Variants in CNTN4 observed in about 807,000 individuals in gnomAD.
The protein encoded by CNTN4 is contactin 4, also known as contactin-4.
Under a neutral mutation model 122.5 loss-of-function variants are expected in CNTN4, and 77 were observed. That is an observed-to-expected ratio of 0.63 (90% CI 0.52 to 0.76). The LOEUF is 0.76. CNTN4 is among the 30% of genes least tolerant of loss of function. CNTN4 has a pLI of 0.00. For missense variants in CNTN4, 1,256 were observed against 1,259.1 expected (o/e 1.00, Z 0.04); for synonymous variants, 512 against 447.0 (o/e 1.15, Z -1.83).
intron 2 of CNTN4, among the ~76,000 whole-genome samples, chr3:2,212,270 A>G (rs1398145929): frequency 6.6e-6 from 1 of 152,052 alleles, no homozygotes; most frequent in Non-Finnish European, 1.5e-5. Context: ...ACACCACATC[A>G]GACCTCCTCA....
At chr3:2,918,252 G>T (rs915482528) in intron 12 of CNTN4, among the ~76,000 whole-genome samples, 2 of 152,178 alleles carry the variant, frequency 1.3e-5, no homozygotes, top group African/African-American at 4.8e-5. Context: ...TCACTGAAGT[G>T]CATGAAACTG....
intron 4 of CNTN4, among the ~76,000 whole-genome samples, chr3:2,616,986 TAACTC>T (rs1426536561): frequency 3.3e-5 from 5 of 151,928 alleles, no homozygotes; most frequent in Non-Finnish European, 7.4e-5. Flanking sequence ...ATACGAAAAT[TAACTC>T]AAGCGGGATT....
intron 7 of CNTN4, among the ~76,000 whole-genome samples, chr3:2,849,656 A>G (rs1296012481): frequency 6.6e-6 from 1 of 152,224 alleles, no homozygotes; most frequent in Non-Finnish European, 1.5e-5. Context: ...AAGAAGATCA[A>G]GGGATACAAT....
intron 2 of CNTN4, among the ~76,000 whole-genome samples, chr3:2,192,999 G>T (rs1189526893): frequency 6.6e-6 from 1 of 152,072 alleles, no homozygotes; most frequent in African/African-American, 2.4e-5. Flanking sequence ...ACTGCCTTTT[G>T]CCCTCTCTCT....
chr3:2,119,293 C>A (rs1157549074), intron 2 of CNTN4, among the ~76,000 whole-genome samples: 6 of 152,132 alleles, frequency 3.9e-5, no homozygotes, highest in African/African-American at 7.2e-5. Context: ...CTCTTTCTTT[C>A]TGTCTCTCTC....
chr3:2,579,618 T>C (rs1361143119), intron 4 of CNTN4, among the ~76,000 whole-genome samples: 1 of 152,208 alleles, frequency 6.6e-6, no homozygotes, highest in African/African-American at 2.4e-5. Context: ...CGTGCATATA[T>C]TCTTTGCACT....
At chr3:2,329,591 A>G (rs925313549) in intron 2 of CNTN4, among the ~76,000 whole-genome samples, 1 of 152,238 alleles carries the variant, frequency 6.6e-6, no homozygotes, top group Non-Finnish European at 1.5e-5. Flanking sequence ...AATGAGGCCC[A>G]CTACAGTCTA....
chr3:2,316,189 CAGT>C (rs1393503341), intron 2 of CNTN4, among the ~76,000 whole-genome samples: 5 of 151,958 alleles, frequency 3.3e-5, no homozygotes, highest in African/African-American at 4.8e-5. Context: ...ATGGAAATAA[CAGT>C]AGAATATTTG....
intron 3 of CNTN4, among the ~76,000 whole-genome samples, chr3:2,567,159 T>A (rs913416617): frequency 6.7e-6 from 1 of 149,856 alleles, no homozygotes; most frequent in African/African-American, 2.5e-5. Flanking sequence ...CGATCTCGGC[T>A]CACTGCAACC....
intron 3 of CNTN4, among the ~76,000 whole-genome samples, chr3:2,556,092 C>T (rs2078709825): frequency 1.3e-5 from 2 of 152,022 alleles, no homozygotes; most frequent in Non-Finnish European, 2.9e-5. Flanking sequence ...TTGGGGGTTA[C>T]TGGAAATATC....
chr3:2,656,307 A>T (rs2083589661), intron 4 of CNTN4, among the ~76,000 whole-genome samples: 1 of 152,256 alleles, frequency 6.6e-6, no homozygotes, highest in Non-Finnish European at 1.5e-5. Context: ...GAAGGTAAAA[A>T]TGTAGTCTAA....
intron 4 of CNTN4, among the ~76,000 whole-genome samples, chr3:2,611,552 A>C (rs935719250): frequency 6.6e-6 from 1 of 152,080 alleles, no homozygotes; most frequent in Non-Finnish European, 1.5e-5. Flanking sequence ...TGTAAGGTCC[A>C]AAAATAAATG....
chr3:2,820,961 C>CTTTTTTTTTTTTTTTTTTTTTTT lies in CNTN4; in HGVS notation c.454+1398_454+1399insTTTTTTTTTTTTTTTTTTTTTTT, dbSNP rs67731967. Among the ~76,000 whole-genome samples, 5 of 107,576 alleles carry CTTTTTTTTTTTTTTTTTTTTTTT rather than the reference C, an allele frequency of 4.6e-5. 1 individual carries two copies. The highest frequency in any genetic ancestry group is 1.9e-4 in the African/African-American group (5 of 26,462). 70.6% of individuals were successfully genotyped at this position (107,576 alleles called of 152,430 possible). On this transcript the variant is annotated intron_variant, in intron 7 of 24. Coordinates refer to ENST00000418658, the MANE Select transcript of CNTN4 (RefSeq NM_175607.3). ...TTCTCACATGCAACATTTTCTCTTT[C>CTTTTTTTTTTTTTTTTTTTTTTT]TTTTTTTTTTTTTTTTTTGAGACAG... is the stretch of plus-strand genomic sequence containing the variant.
At chr3:2,245,448 A>G (rs1252559283) in intron 2 of CNTN4, among the ~76,000 whole-genome samples, 1 of 152,040 alleles carries the variant, frequency 6.6e-6, no homozygotes, top group Non-Finnish European at 1.5e-5. Flanking sequence ...GATTGTTCTC[A>G]TGTTTTCAGA....
chr3:2,796,592 A>G (rs531262915), intron 6 of CNTN4, among the ~76,000 whole-genome samples: 17 of 152,326 alleles, frequency 1.1e-4, no homozygotes, highest in African/African-American at 3.8e-4. Context: ...CATTAATTCA[A>G]TGAAATCTAA....
chr3:2,952,648 A>G (rs1480032988), intron 13 of CNTN4, among the ~76,000 whole-genome samples: 2 of 152,052 alleles, frequency 1.3e-5, no homozygotes, highest in Non-Finnish European at 2.9e-5. Flanking sequence ...CTATGTTTTT[A>G]TTTTTTATGG....
intron 7 of CNTN4, among the ~76,000 whole-genome samples, chr3:2,854,343 G>A (rs2093595275): frequency 7.3e-6 from 1 of 137,626 alleles, no homozygotes; most frequent in East Asian, 2.2e-4. Context: ...CACAATCTCG[G>A]CTCATTGCAA....
chr3:2,721,660 GCT>G (rs909582744), intron 4 of CNTN4, among the ~76,000 whole-genome samples: 11 of 152,260 alleles, frequency 7.2e-5, no homozygotes, highest in African/African-American at 2.6e-4. Context: ...CTGCTACAGG[GCT>G]CTGTCAGTTA....
At chr3:2,964,728 G>A (rs1457777327) in intron 13 of CNTN4, among the ~76,000 whole-genome samples, 1 of 152,124 alleles carries the variant, frequency 6.6e-6, no homozygotes, top group African/African-American at 2.4e-5. Context: ...GAACTTATTT[G>A]TAAATTAATT....
Sources: gnomAD v4.1 joint callset for allele counts (sites outside exome capture counted in the v4.1 genomes callset) on GRCh38, gnomAD v4.1.1 for gene constraint, MANE v1.5 for transcripts, NCBI Gene and HGNC (gene_info 2026-07-23, HGNC 2026-07-21) for gene names.